The following ABAT variants were observed in gnomAD, a reference collection of about 807,000 sequenced individuals.
ABAT encodes 4-aminobutyrate aminotransferase, mitochondrial.
A neutral mutation model predicts 64.6 loss-of-function variants in ABAT; 45 were observed. The ratio of observed to expected loss-of-function variants is 0.70; its 90% confidence interval spans 0.55 to 0.89. ABAT has a LOEUF of 0.89. Among genes scored for constraint, ABAT ranks in the 40% least tolerant of loss-of-function variants. ABAT has a pLI of 0.00. For synonymous variants in ABAT, 297 were observed against 250.5 expected (o/e 1.19, Z -1.75); for missense variants, 633 against 658.4 (o/e 0.96, Z 0.42).
At chr16:8,702,761 A>G (rs950387760) in intron 1 of ABAT, among the ~76,000 whole-genome samples, 1 of 152,154 alleles carries the variant, frequency 6.6e-6, no homozygotes, top group African/African-American at 2.4e-5. Flanking sequence ...GAAGGTTTTC[A>G]CCAGAGGGAG....
chr16:8,698,345 T>C (rs562001115), intron 1 of ABAT, among the ~76,000 whole-genome samples: 3 of 152,170 alleles, frequency 2.0e-5, no homozygotes, highest in East Asian at 1.9e-4. Flanking sequence ...TTTTTTTTTT[T>C]TCTTTGAGAC....
Position 8,776,504 on chromosome 16 carries a change from C to G in ABAT, c.1269+14C>G, listed in dbSNP as rs752811827. On this transcript the variant is annotated intron_variant, in intron 14 of 15. Coordinates refer to ENST00000268251, the MANE Select transcript of ABAT (RefSeq NM_020686.6). The surrounding 1 kb of genome is among the most constrained non-coding windows in gnomAD (Gnocchi z 4.4). ...CTGGACCTCCAGGTAACACCCCCTC[C>G]CCTGCCCCGCCCCCACCACCCATGG... 16 of 1,582,706 alleles carry G rather than the reference C, an allele frequency of 1.0e-5. No homozygotes were observed. Among genetic ancestry groups the G allele is most frequent in the Non-Finnish European group, 1.3e-5 (15 of 1,165,290 alleles).
chr16:8,764,253 T>C lies in ABAT; in HGVS notation c.447+104T>C. 1.0e-6 allele frequency: 1 copy of C among 1,002,920 alleles called. No homozygotes were observed. Among genetic ancestry groups the C allele is most frequent in the Middle Eastern group, 2.0e-4 (1 of 4,932 alleles). The allele number at this position is 1,002,920 out of a possible 1,614,324, so 62.1% of individuals were successfully genotyped here. On this transcript the variant is annotated intron_variant, in intron 7 of 15. Transcript: ENST00000268251. This position sits in a 1 kb window ranked among gnomAD's most constrained non-coding sequence, Gnocchi z 4.2. ...GAAGAATAAGGTGTTGCTACAGAAATCTTTCTCTCTGAGCTTATTCTTCCA... is the reference window on the plus strand; with the variant it reads ...GAAGAATAAGGTGTTGCTACAGAAACCTTTCTCTCTGAGCTTATTCTTCCA...
intron 2 of ABAT, among the ~76,000 whole-genome samples, chr16:8,739,349 C>G (rs1423914426): frequency 6.6e-6 from 1 of 152,202 alleles, no homozygotes; most frequent in Non-Finnish European, 1.5e-5. Flanking sequence ...TTATCCAAGC[C>G]TCGGTTTTCT....
At chr16:8,732,993 C>T (rs1323735595) in intron 1 of ABAT, among the ~76,000 whole-genome samples, 1 of 149,610 alleles carries the variant, frequency 6.7e-6, no homozygotes, top group Non-Finnish European at 1.5e-5. Flanking sequence ...CCCCCACCTC[C>T]CTCCCGGACG....
chr16:8,717,746 G>T (rs184079668), intron 1 of ABAT, among the ~76,000 whole-genome samples: 1 of 152,076 alleles, frequency 6.6e-6, no homozygotes, highest in Non-Finnish European at 1.5e-5. Flanking sequence ...TTGAGGCAAC[G>T]TATTGGGTAA....
chr16:8,764,798 A>C lies in ABAT; in HGVS notation c.508A>C (p.Asn170His). 3 of 1,613,916 alleles carry C rather than the reference A, an allele frequency of 1.9e-6. No individual in the cohort carries two copies. The highest frequency in any genetic ancestry group is 1.7e-6 in the Non-Finnish European group (2 of 1,179,990). The change falls in exon 8 of 16, where the codon AAC becomes CAC. Residue 170 changes from asparagine (N) to histidine (H), a missense_variant. Physicochemically the swap from Asn to His is moderately conservative, Grantham distance 68. Transcript: ENST00000268251. The surrounding 1 kb of genome is among the most constrained non-coding windows in gnomAD (Gnocchi z 4.2). Reference protein sequence around the residue: ...TMACGSCSNENALKTIFMWYR... With the variant: ...TMACGSCSNEHALKTIFMWYR... The stretch of plus-strand genomic sequence containing the variant: ...GGCCTGCGGCTCCTGCTCCAATGAA[A>C]ACGCCTTAAAGACCATCTTCATGTG...
intron 1 of ABAT, among the ~76,000 whole-genome samples, chr16:8,675,018 C>T (rs953670052): frequency 1.3e-5 from 2 of 152,142 alleles, no homozygotes; most frequent in African/African-American, 2.4e-5. Context: ...GTCTCTAGAG[C>T]CCCCTCACCT....
rs1237477903 is a variant in ABAT at position 8,683,738 on chromosome 16, C to A, written c.-42+9027C>A. Among the ~76,000 whole-genome samples the A allele has an allele frequency of 2.0e-5, 3 of 152,208 alleles. No individual in the cohort carries two copies. In the South Asian group the frequency reaches 6.2e-4, roughly 32 times the overall value. On this transcript the variant is annotated intron_variant, in intron 1 of 15. Transcript: ENST00000268251. ...AGTTGTATTCTTTTGTTCATCCAAC[C>A]AGTGTTTATTGAGTACTTACTAGAC... is the stretch of plus-strand genomic sequence containing the variant.
chr16:8,769,080 G>C, intron 11 of ABAT, 107 bp downstream of exon 11: 1 of 1,490,260 alleles, frequency 6.7e-7, no homozygotes, highest in Non-Finnish European at 9.3e-7. Context: ...CTGGGGATCT[G>C]TGCAGTGCTC....
At chr16:8,721,199 C>G (rs1210048629) in intron 1 of ABAT, among the ~76,000 whole-genome samples, 1 of 152,120 alleles carries the variant, frequency 6.6e-6, no homozygotes, top group African/African-American at 2.4e-5. Context: ...TTGAAGGATG[C>G]AAGATTGGGG....
intron 2 of ABAT, among the ~76,000 whole-genome samples, chr16:8,737,965 G>A (rs373368871): frequency 7.0e-4 from 3 of 4,288 alleles, no homozygotes; most frequent in South Asian, 9.1e-3. Flanking sequence ...AGGAAGGAAG[G>A]AAGGAAGGAA....
intron 4 of ABAT, among the ~76,000 whole-genome samples, chr16:8,748,357 G>A (rs553965608): frequency 1.3e-5 from 2 of 152,116 alleles, no homozygotes; most frequent in South Asian, 2.1e-4. Flanking sequence ...ATTTCTTTCT[G>A]TTATTGATTT....
At chr16:8,699,665 G>A (rs368034792) in intron 1 of ABAT, among the ~76,000 whole-genome samples, 12 of 152,030 alleles carry the variant, frequency 7.9e-5, no homozygotes, top group African/African-American at 2.2e-4. Context: ...GGGCTTAAAC[G>A]ATCCTCCAAC....
chr16:8,757,120 C>T (rs1330102522), intron 5 of ABAT: 1 of 454,550 alleles, frequency 2.2e-6, no homozygotes, highest in Non-Finnish European at 4.4e-6. Flanking sequence ...TGTTGAACCA[C>T]ACTCCCCAGC....
rs1285074550 is a variant in ABAT, at chr16:8,784,544, A to G, written c.*3114A>G. On this transcript the variant is annotated 3_prime_UTR_variant, in exon 16 of 16. Transcript: ENST00000268251. ...AAATCTGTTTCCTGTGTTAGTCAGT[A>G]TTCTTAAATAAAATTTATAATTGAA... 1.3e-5 allele frequency: 2 copies of G among 152,174 alleles called. No homozygotes were observed. Among genetic ancestry groups the G allele is most frequent in the African/African-American group, 2.4e-5 (1 of 41,386 alleles). The allele number at this position is 152,174 out of a possible 1,614,324, so 9.4% of individuals were successfully genotyped here.
At chr16:8,738,433 TC>T in intron 2 of ABAT, 1 of 455,968 alleles carries the variant, frequency 2.2e-6, no homozygotes, top group Non-Finnish European at 4.4e-6. Flanking sequence ...AATGTCTTTT[TC>T]TGCTCCAGGA....
intron 1 of ABAT, among the ~76,000 whole-genome samples, chr16:8,715,998 G>A (rs557027047): frequency 6.6e-5 from 10 of 152,248 alleles, no homozygotes; most frequent in Admixed American, 5.2e-4. Context: ...GATTACAAGC[G>A]GCTGTGGAAC....
intron 1 of ABAT, among the ~76,000 whole-genome samples, chr16:8,679,779 C>G (rs1284859133): frequency 6.6e-6 from 1 of 152,002 alleles, no homozygotes; most frequent in Non-Finnish European, 1.5e-5. Flanking sequence ...ATCAGTTGTC[C>G]TCACTTCTTC....
Sources: allele counts gnomAD v4.1 joint callset (sites outside exome capture counted in the v4.1 genomes callset), GRCh38; gene constraint gnomAD v4.1.1; non-coding constraint Gnocchi (gnomAD v3.1); transcripts MANE v1.5; gene names NCBI Gene and HGNC (gene_info 2026-07-23, HGNC 2026-07-21).